RBMS1: variants seen among roughly 807,000 people sequenced by gnomAD.
The protein encoded by RBMS1 is RNA-binding motif, single-stranded-interacting protein 1.
In RBMS1, 17 loss-of-function variants were observed where a neutral mutation model predicts 62.3. That is an observed-to-expected ratio of 0.27 (90% confidence interval 0.19 to 0.41). RBMS1 has a LOEUF of 0.41. Among genes scored for constraint, RBMS1 ranks in the 10% least tolerant of loss-of-function variants. The pLI, the probability that RBMS1 is intolerant of heterozygous loss-of-function variation, is 1.00. For missense variants in RBMS1, 334 were observed against 504.5 expected, an observed-to-expected ratio of 0.66 and a Z score of 3.24; for synonymous variants, 172 against 170.0, an observed-to-expected ratio of 1.01 and a Z score of -0.09.
At chr2:160,461,197 T>C (rs1684444184) in intron 1 of RBMS1, among the ~76,000 whole-genome samples, 1 of 151,782 alleles carries the variant, frequency 6.6e-6, no homozygotes, top group South Asian at 2.1e-4. Context: ...TGCAGTGAGC[T>C]ATGATTGATC....
chr2:160,471,718 A>ATATATATATATATAG (rs1357101386), intron 1 of RBMS1, among the ~76,000 whole-genome samples: 4 of 14,504 alleles, frequency 2.8e-4, no homozygotes, highest in East Asian at 2.8e-3. Flanking sequence ...TATATATATA[A>ATATATATATATATAG]CCTTTCATAC....
chr2:160,469,701 C>T (rs189435153), intron 1 of RBMS1, among the ~76,000 whole-genome samples: 28 of 152,076 alleles, frequency 1.8e-4, no homozygotes, highest in African/African-American at 3.1e-4. Flanking sequence ...AGCGTATCAA[C>T]GCAGAAATGA....
chr2:160,421,291 TC>T (rs528726930), intron 1 of RBMS1, among the ~76,000 whole-genome samples: 3,740 of 151,668 alleles, frequency 0.025, 155 homozygotes, highest in African/African-American at 0.082. Flanking sequence ...TGCTATTCCC[TC>T]CCCCCTTCCC....
At chr2:160,307,486 T>C (rs1354794171) in intron 4 of RBMS1, among the ~76,000 whole-genome samples, 3 of 151,926 alleles carry the variant, frequency 2.0e-5, no homozygotes, top group Non-Finnish European at 2.9e-5. Context: ...CTAATAGATA[T>C]AAACAATGTC....
At chr2:160,469,701 C>A (rs189435153) in intron 1 of RBMS1, among the ~76,000 whole-genome samples, 13 of 152,194 alleles carry the variant, frequency 8.5e-5, no homozygotes, top group Middle Eastern at 3.4e-3. Flanking sequence ...AGCGTATCAA[C>A]GCAGAAATGA....
chr2:160,304,410 T>C (rs915713519), intron 4 of RBMS1, among the ~76,000 whole-genome samples: 2 of 152,192 alleles, frequency 1.3e-5, no homozygotes, highest in African/African-American at 4.8e-5. Context: ...TTTATTTTAA[T>C]AGAGAAACAA....
chr2:160,432,427 T>C (rs1420989385), intron 1 of RBMS1: 1 of 152,212 alleles, frequency 6.6e-6, no homozygotes, highest in Non-Finnish European at 1.5e-5. Flanking sequence ...ACTAACATTT[T>C]TCTGTTCTTC....
intron 1 of RBMS1, among the ~76,000 whole-genome samples, chr2:160,422,969 A>G (rs2105272193): frequency 6.6e-6 from 1 of 152,282 alleles, no homozygotes; most frequent in East Asian, 1.9e-4. Context: ...TACAATGATA[A>G]GGTAGAGATC....
chr2:160,393,985 A>G (rs1161169012), intron 1 of RBMS1, among the ~76,000 whole-genome samples: 1 of 152,172 alleles, frequency 6.6e-6, no homozygotes, highest in African/African-American at 2.4e-5. Flanking sequence ...AACACATTAT[A>G]TACTGAACAT....
At chr2:160,342,411 C>T (rs1265182634) in intron 2 of RBMS1, among the ~76,000 whole-genome samples, 1 of 152,002 alleles carries the variant, frequency 6.6e-6, no homozygotes, top group Non-Finnish European at 1.5e-5. Flanking sequence ...AGAAATAGAG[C>T]ATATTCTAGA....
chr2:160,328,134 T>C (rs1311861565), intron 2 of RBMS1, among the ~76,000 whole-genome samples: 1 of 152,186 alleles, frequency 6.6e-6, no homozygotes, highest in Non-Finnish European at 1.5e-5. Context: ...GTTAGTTGCC[T>C]GGCCTCAGGA....
intron 6 of RBMS1, among the ~76,000 whole-genome samples, chr2:160,298,756 A>G (rs1559341097): frequency 6.6e-6 from 1 of 152,192 alleles, no homozygotes; most frequent in Non-Finnish European, 1.5e-5. Flanking sequence ...CAGCCCTCAG[A>G]ATGTGATCTT....
chr2:160,405,276 A>C (rs1205670845), intron 1 of RBMS1, among the ~76,000 whole-genome samples: 1 of 151,676 alleles, frequency 6.6e-6, no homozygotes, highest in Non-Finnish European at 1.5e-5. Flanking sequence ...TTTTCTGGCA[A>C]ATTAGCTGAG....
intron 1 of RBMS1, chr2:160,408,624 A>C (rs900722726): frequency 2.0e-5 from 3 of 152,204 alleles, no homozygotes; most frequent in African/African-American, 7.2e-5. Flanking sequence ...GTTAATTATT[A>C]GATGCGACAC....
intron 2 of RBMS1, among the ~76,000 whole-genome samples, chr2:160,324,884 A>ATGTATATATATATATATATATATATATG (rs1559383305): frequency 1.6e-4 from 8 of 49,392 alleles, no homozygotes; most frequent in African/African-American, 4.4e-4. Flanking sequence ...GTGTGTGTGT[A>ATGTATATATATATATATATATATATATG]TATATATATA....
At chr2:160,363,724 A>T (rs1464446574) in intron 2 of RBMS1, among the ~76,000 whole-genome samples, 1 of 152,222 alleles carries the variant, frequency 6.6e-6, no homozygotes, top group Non-Finnish European at 1.5e-5. Context: ...GAGAGAAAGG[A>T]TATTTTGAAT....
At chr2:160,305,710 G>T (rs1343622745) in intron 4 of RBMS1, among the ~76,000 whole-genome samples, 13 of 152,122 alleles carry the variant, frequency 8.5e-5, no homozygotes, top group Admixed American at 7.9e-4. Flanking sequence ...GCAGGGGAAT[G>T]ATATGATCAA....
chr2:160,338,880 T>C (rs1484799034), intron 2 of RBMS1, among the ~76,000 whole-genome samples: 1 of 152,222 alleles, frequency 6.6e-6, no homozygotes, highest in Non-Finnish European at 1.5e-5. Context: ...CAAACACTAT[T>C]GGTTCCAGGC....
At chr2:160,429,601 T>C (rs1574048006) in intron 1 of RBMS1, among the ~76,000 whole-genome samples, 2 of 152,346 alleles carry the variant, frequency 1.3e-5, no homozygotes, top group East Asian at 3.9e-4. Context: ...TCAGTTAGAA[T>C]AGCTATGGTG....
Sources: allele counts gnomAD v4.1 joint callset (sites outside exome capture counted in the v4.1 genomes callset), GRCh38; gene constraint gnomAD v4.1.1; transcripts MANE v1.5; gene names NCBI Gene and HGNC (gene_info 2026-07-23, HGNC 2026-07-21).